FANCB: variants seen among roughly 807,000 people sequenced by gnomAD.
The protein encoded by FANCB is Fanconi anemia group B protein.
A neutral mutation model predicts 38.9 loss-of-function variants in FANCB; 5 were observed. The ratio of observed to expected loss-of-function variants is 0.13; its 90% CI spans 0.07 to 0.27. The LOEUF is 0.27. Among genes scored for constraint, FANCB ranks in the 10% least tolerant of loss-of-function variants. The probability of loss-of-function intolerance (pLI) is 1.00; values close to 1 mark genes in which losing one functional copy is unlikely to be tolerated. For missense variants in FANCB, 573 were observed against 602.7 expected, an observed-to-expected ratio of 0.95 and a Z score of 0.52; for synonymous variants, 236 against 215.4, an observed-to-expected ratio of 1.10 and a Z score of -0.84.
At chrX:14,771,181 C>T in the FANCB span, among the ~76,000 whole-genome samples, 2 of 111,248 alleles carry the variant, frequency 1.8e-5, no homozygotes, top group South Asian at 3.8e-4. Context: ...TGTTGCCTGT[C>T]TTGTTAGGTT....
At chrX:14,836,228 T>C (rs2092340927) in exon 11 of FANCB, 1 of 111,628 alleles carries the variant, frequency 9.0e-6, no homozygotes, top group Non-Finnish European at 1.9e-5. Flanking sequence ...GTCAAAATCA[T>C]AGAAAGTAGA....
the FANCB span, among the ~76,000 whole-genome samples, chrX:14,725,221 T>C: frequency 8.9e-6 from 1 of 111,922 alleles, no homozygotes; most frequent in Non-Finnish European, 1.9e-5. Context: ...TTATTATTCA[T>C]GTCTATTCCC....
chrX:14,710,554 C>T, the FANCB span, among the ~76,000 whole-genome samples: 1 of 111,479 alleles, frequency 9.0e-6, no homozygotes, highest in Non-Finnish European at 1.9e-5. Flanking sequence ...ATAACAGCAG[C>T]AAAGGGACTT....
the FANCB span, among the ~76,000 whole-genome samples, chrX:14,787,983 A>C: frequency 1.0e-5 from 1 of 98,264 alleles, no homozygotes; most frequent in Non-Finnish European, 2.0e-5. Context: ...ATAAAACTTC[A>C]ACCTTTTTAG....
At chrX:14,771,753 C>A in the FANCB span, among the ~76,000 whole-genome samples, 1 of 111,969 alleles carries the variant, frequency 8.9e-6, no homozygotes, top group Admixed American at 9.5e-5. Context: ...TATGTTGATT[C>A]TTTCTCATCT....
chrX:14,864,383 C>G (rs1441062642), intron 3 of FANCB, among the ~76,000 whole-genome samples, 177 bp downstream of exon 3: 1 of 111,058 alleles, frequency 9.0e-6, no homozygotes. Flanking sequence ...AAAAAAACAC[C>G]ATCAGGTTGT....
At chrX:14,844,228 A>G (rs775265652) in intron 9 of FANCB, among the ~76,000 whole-genome samples, 2 of 111,596 alleles carry the variant, frequency 1.8e-5, no homozygotes, top group East Asian at 5.6e-4. Flanking sequence ...AATAAGGTCA[A>G]TATAATATTT....
chrX:14,798,604 G>C, the FANCB span, among the ~76,000 whole-genome samples: 1 of 111,843 alleles, frequency 8.9e-6, no homozygotes, highest in African/African-American at 3.3e-5. Context: ...ACAAATACAA[G>C]AGACTTCTGG....
chrX:14,793,850 AG>A, the FANCB span, among the ~76,000 whole-genome samples: 1 of 111,594 alleles, frequency 9.0e-6, no homozygotes, highest in Non-Finnish European at 1.9e-5. Context: ...AGGAGTCAGA[AG>A]GGGCATGGAA....
At chrX:14,778,150 C>T in the FANCB span, among the ~76,000 whole-genome samples, 1 of 112,050 alleles carries the variant, frequency 8.9e-6, no homozygotes, top group Non-Finnish European at 1.9e-5. Flanking sequence ...TGCTGTTAAC[C>T]TACTTACATG....
the FANCB span, among the ~76,000 whole-genome samples, chrX:14,765,191 C>T: frequency 4.5e-5 from 5 of 111,456 alleles, no homozygotes; most frequent in South Asian, 7.6e-4. Context: ...GACCAAGCTT[C>T]CTTAAGCCCT....
the FANCB span, among the ~76,000 whole-genome samples, chrX:14,814,375 A>G: frequency 8.9e-6 from 1 of 112,347 alleles, no homozygotes; most frequent in African/African-American, 3.2e-5. Flanking sequence ...AACTACCATC[A>G]GAGTGAACAG....
chrX:14,806,683 A>C, the FANCB span, among the ~76,000 whole-genome samples: 1 of 112,138 alleles, frequency 8.9e-6, no homozygotes, highest in Non-Finnish European at 1.9e-5. Context: ...AATTCCTGTA[A>C]GGCTTAAAAA....
At chrX:14,710,386 A>G in the FANCB span, among the ~76,000 whole-genome samples, 41 of 112,239 alleles carry the variant, frequency 3.7e-4, no homozygotes, top group Non-Finnish European at 6.9e-4. Context: ...TCAAAACAAT[A>G]TAATAAAGAC....
At chrX:14,760,455 A>G in the FANCB span, among the ~76,000 whole-genome samples, 1 of 111,696 alleles carries the variant, frequency 9.0e-6, no homozygotes, top group Non-Finnish European at 1.9e-5. Flanking sequence ...AGTCATAGTT[A>G]GGAGAAATAA....
chrX:14,867,192 A>C (rs1045936461), intron 2 of FANCB, among the ~76,000 whole-genome samples: 1 of 111,737 alleles, frequency 8.9e-6, no homozygotes, highest in Non-Finnish European at 1.9e-5. Context: ...AATGTCTAGC[A>C]AAATATCAAT....
At chrX:14,860,131 A>T (rs2092440345) in intron 3 of FANCB, among the ~76,000 whole-genome samples, 1 of 111,666 alleles carries the variant, frequency 9.0e-6, no homozygotes, top group South Asian at 3.7e-4. Context: ...GTAAACTAAC[A>T]CCATGAGGAT....
Position 14,844,493 on chromosome X carries a change from T to A in FANCB, c.2165+10A>T, listed in dbSNP as rs184385334. ...CTTCTCTGGACCAATTACAATTTAA[T>A]ATGCATTACCTGGAATAGATTATTA... On this transcript the variant is annotated intron_variant, in intron 9 of 9. Transcript: ENST00000650831. 1.1e-4 allele frequency: 119 copies of A among 1,123,235 alleles called. No individual in the cohort carries two copies. The East Asian group carries it at 3.1e-3, about 29-fold the overall frequency. 92.6% of individuals were successfully genotyped at this position (1,123,235 alleles called of 1,213,427 possible).
chrX:14,834,418 T>C, downstream of FANCB: 1 of 416,305 alleles, frequency 2.4e-6, no homozygotes. Context: ...TATCAACTGT[T>C]ATGGAAATGA....
Sources: gnomAD v4.1 joint callset for allele counts (sites outside exome capture counted in the v4.1 genomes callset) on GRCh38, gnomAD v4.1.1 for gene constraint, MANE v1.5 for transcripts, NCBI Gene and HGNC (gene_info 2026-07-23, HGNC 2026-07-21) for gene names.